KCTD1: variants seen among roughly 807,000 people sequenced by gnomAD.
KCTD1 encodes potassium channel tetramerization domain containing 1, also known as BTB/POZ domain-containing protein KCTD1.
In KCTD1, 24 loss-of-function variants were observed where a neutral mutation model predicts 66.0. The ratio of observed to expected loss-of-function variants is 0.36; its 90% CI spans 0.26 to 0.51. The LOEUF is 0.51. KCTD1 is among the 20% of genes least tolerant of loss of function. KCTD1 has a pLI of 0.95. For synonymous variants in KCTD1, 511 were observed against 517.2 expected (o/e 0.99, Z 0.16); for missense variants, 943 against 1,205.2 (o/e 0.78, Z 3.22).
At chr18:26,640,880 G>A (rs958092008), upstream of KCTD1, among the ~76,000 whole-genome samples, 5 of 152,086 alleles carry the variant, frequency 3.3e-5, no homozygotes, top group African/African-American at 4.8e-5. Context: ...AGGCATCTGC[G>A]GAGGAAGCTT....
rs904276736 is a variant in KCTD1, at chr18:26,468,778, C to T, written c.2133+7737G>A. 5.3e-5 allele frequency among the ~76,000 whole-genome samples: 8 copies of T among 152,060 alleles called. No homozygotes were observed. Among genetic ancestry groups the T allele is most frequent in the African/African-American group, 1.2e-4 (5 of 41,378 alleles). On this transcript the variant is annotated intron_variant, in intron 3 of 4. Transcript: ENST00000580059. The surrounding 1 kb of genome is among the most constrained non-coding windows in gnomAD (Gnocchi z 4.8). ...AAGAGAACTGCTTGAACCCGGGAGG[C>T]GGAGGTTGCAGTGAGCCGAGATCGT...
chr18:26,555,688 C>G (rs981092482), intron 1 of KCTD1, among the ~76,000 whole-genome samples: 4 of 152,130 alleles, frequency 2.6e-5, no homozygotes, highest in Admixed American at 2.6e-4. Context: ...AGAGACCTCT[C>G]TTTGTTCACA....
upstream of KCTD1, among the ~76,000 whole-genome samples, chr18:26,643,970 A>G (rs1452765863): frequency 6.6e-6 from 1 of 151,768 alleles, no homozygotes; most frequent in Non-Finnish European, 1.5e-5. Flanking sequence ...TCAAAAAAAA[A>G]AGGGGGCCTG....
At chr18:26,475,194 C>G (rs1461442825) in intron 3 of KCTD1, among the ~76,000 whole-genome samples, 1 of 152,294 alleles carries the variant, frequency 6.6e-6, no homozygotes, top group East Asian at 1.9e-4. Context: ...CATTACCCAC[C>G]TTTACCATCA....
chr18:26,655,561 T>C (rs114215874), intron 1 of KCTD1, among the ~76,000 whole-genome samples: 3,776 of 152,290 alleles, frequency 0.025, 63 homozygotes, highest in Middle Eastern at 0.034. Context: ...CCTACTGCGG[T>C]GCACCTTTTA....
chr18:26,504,457 G>A (rs749859372), intron 1 of KCTD1, among the ~76,000 whole-genome samples: 2 of 152,088 alleles, frequency 1.3e-5, no homozygotes, highest in African/African-American at 2.4e-5. Flanking sequence ...TCTTGAACTC[G>A]TGAGCTCAAA....
chr18:26,548,979 G>A (rs958104251), upstream of KCTD1: 2 of 985,350 alleles, frequency 2.0e-6, no homozygotes, highest in African/African-American at 1.7e-5. Flanking sequence ...AGTAATGCCC[G>A]AGGAGCAGTG....
At chr18:26,474,704 G>A (rs1981248621) in intron 3 of KCTD1, among the ~76,000 whole-genome samples, 1 of 151,898 alleles carries the variant, frequency 6.6e-6, no homozygotes, top group South Asian at 2.1e-4. Flanking sequence ...TTCATCTTTT[G>A]TTGCAAATGT....
At chr18:26,469,748 G>A (rs1480952863) in intron 3 of KCTD1, among the ~76,000 whole-genome samples, 1 of 152,106 alleles carries the variant, frequency 6.6e-6, no homozygotes, top group Non-Finnish European at 1.5e-5. Context: ...GTGGCTTCCT[G>A]CATCTCTTTT....
At chr18:26,532,234 T>C (rs1984468023) in intron 1 of KCTD1, among the ~76,000 whole-genome samples, 2 of 151,170 alleles carry the variant, frequency 1.3e-5, no homozygotes, top group Admixed American at 1.3e-4. Flanking sequence ...TCCTTTTTTA[T>C]TCTTTTTCTT....
chr18:26,515,167 G>C (rs1274477019), intron 1 of KCTD1, among the ~76,000 whole-genome samples: 1 of 152,200 alleles, frequency 6.6e-6, no homozygotes, highest in Non-Finnish European at 1.5e-5. Context: ...AAATGGAAAT[G>C]CATTAGAAAA....
chr18:26,575,456 G>C (rs145073362), intron 1 of KCTD1: 1 of 152,176 alleles, frequency 6.6e-6, no homozygotes, highest in African/African-American at 2.4e-5. Context: ...CCCCCTGGAC[G>C]GGGCGGTTTC....
At chr18:26,457,869 A>G (rs1980181073) in intron 4 of KCTD1, 1 of 152,188 alleles carries the variant, frequency 6.6e-6, no homozygotes, top group Non-Finnish European at 1.5e-5. Flanking sequence ...GTTAATCCAG[A>G]TGAAAATTTC....
At chr18:26,549,062 G>A (rs1985430460), upstream of KCTD1, 1 of 985,240 alleles carries the variant, frequency 1.0e-6, no homozygotes, top group Admixed American at 6.2e-5. Flanking sequence ...GCGGGCCGCG[G>A]GTGCTGCCGC....
At chr18:26,506,465 G>A (rs1983042512) in intron 1 of KCTD1, among the ~76,000 whole-genome samples, 1 of 152,186 alleles carries the variant, frequency 6.6e-6, no homozygotes, top group African/African-American at 2.4e-5. Flanking sequence ...GAAGGAGAGT[G>A]CCCAGTGCTA....
chr18:26,526,340 G>A (rs73401425), intron 1 of KCTD1, among the ~76,000 whole-genome samples: 212 of 152,268 alleles, frequency 1.4e-3, no homozygotes, highest in African/African-American at 4.8e-3. Flanking sequence ...AGAAATCTGC[G>A]GGATTCCTTC....
chr18:26,644,161 G>A (rs1024870415), upstream of KCTD1, among the ~76,000 whole-genome samples: 4 of 152,092 alleles, frequency 2.6e-5, no homozygotes, highest in Non-Finnish European at 5.9e-5. Flanking sequence ...GTATTTCTAA[G>A]GCTTAAAGTA....
upstream of KCTD1, among the ~76,000 whole-genome samples, chr18:26,642,226 G>C (rs1470740808): frequency 1.3e-5 from 2 of 152,184 alleles, no homozygotes; most frequent in East Asian, 3.8e-4. Flanking sequence ...CAGTGGAAGT[G>C]AATGTCCTAA....
chr18:26,630,283 G>C (rs1326001117), upstream of KCTD1, among the ~76,000 whole-genome samples: 2 of 152,102 alleles, frequency 1.3e-5, no homozygotes, highest in African/African-American at 4.8e-5. Flanking sequence ...AGTAAAAATT[G>C]TTAATTTTAT....
Sources: allele counts gnomAD v4.1 joint callset (sites outside exome capture counted in the v4.1 genomes callset), GRCh38; gene constraint gnomAD v4.1.1; non-coding constraint Gnocchi (gnomAD v3.1); transcripts MANE v1.5; gene names NCBI Gene and HGNC (gene_info 2026-07-23, HGNC 2026-07-21).